Variants in TENM3 observed in about 807,000 individuals in gnomAD.
TENM3 encodes teneurin transmembrane protein 3.
In TENM3, 63 loss-of-function variants were observed where a neutral mutation model predicts 255.1. The ratio of observed to expected loss-of-function variants is 0.25; its 90% confidence interval spans 0.20 to 0.30. The LOEUF is 0.30. TENM3 is among the 10% of genes least tolerant of loss of function. TENM3 has a pLI of 1.00. For synonymous variants in TENM3, 1,306 were observed against 1,322.3 expected (o/e 0.99, Z 0.27); for missense variants, 2,929 against 3,461.1 (o/e 0.85, Z 3.86).
At chr4:182,633,614 A>G (rs1405454655) in intron 5 of TENM3, among the ~76,000 whole-genome samples, 2 of 152,240 alleles carry the variant, frequency 1.3e-5, no homozygotes, top group South Asian at 4.1e-4. Flanking sequence ...AATATCTGCC[A>G]TGGTGCATGT....
chr4:182,120,036 T>C, the TENM3 span, among the ~76,000 whole-genome samples: 1 of 151,960 alleles, frequency 6.6e-6, no homozygotes, highest in East Asian at 2.0e-4. Context: ...AATCTACAAA[T>C]TGTGAGTCCA....
the TENM3 span, among the ~76,000 whole-genome samples, chr4:182,014,849 A>G: frequency 3.2e-4 from 48 of 152,248 alleles, no homozygotes; most frequent in South Asian, 9.5e-3. Context: ...AAGGATCAAC[A>G]TTTCCAACCG....
intron 1 of TENM3, among the ~76,000 whole-genome samples, chr4:182,180,646 T>G (rs1184051127): frequency 1.3e-5 from 2 of 151,524 alleles, no homozygotes; most frequent in Non-Finnish European, 2.9e-5. Flanking sequence ...TCTTTTTTTT[T>G]TTTTCTTTTT....
At chr4:181,888,618 G>GTGTGTGTGT in the TENM3 span, among the ~76,000 whole-genome samples, 4 of 111,776 alleles carry the variant, frequency 3.6e-5, no homozygotes, top group African/African-American at 9.4e-5. Flanking sequence ...GTGTGTGTGT[G>GTGTGTGTGT]GAAAGAGAGA....
chr4:181,933,342 T>C, the TENM3 span, among the ~76,000 whole-genome samples: 6 of 152,208 alleles, frequency 3.9e-5, no homozygotes, highest in Non-Finnish European at 7.3e-5. Flanking sequence ...GTTCAAGGCA[T>C]ATCACCATGA....
At chr4:181,994,387 T>C in the TENM3 span, among the ~76,000 whole-genome samples, 1 of 152,160 alleles carries the variant, frequency 6.6e-6, no homozygotes, top group Non-Finnish European at 1.5e-5. Context: ...AAATAAGTAA[T>C]CTGTTATACA....
At chr4:181,720,249 A>T in the TENM3 span, among the ~76,000 whole-genome samples, 145 of 152,352 alleles carry the variant, frequency 9.5e-4, no homozygotes, top group Non-Finnish European at 1.9e-3. Flanking sequence ...ATAATAGACT[A>T]AGAATAAACA....
At chr4:181,615,420 C>T in the TENM3 span, among the ~76,000 whole-genome samples, 1 of 152,196 alleles carries the variant, frequency 6.6e-6, no homozygotes, top group South Asian at 2.1e-4. Context: ...TCAACTACCA[C>T]CTACCACCCC....
At chr4:182,779,779 T>G (rs1443384925) in intron 24 of TENM3, among the ~76,000 whole-genome samples, 2 of 152,244 alleles carry the variant, frequency 1.3e-5, no homozygotes, top group African/African-American at 2.4e-5. Flanking sequence ...TATCTCATTG[T>G]GGTTTTGATG....
At chr4:182,718,533 G>A (rs113520541) in intron 13 of TENM3, among the ~76,000 whole-genome samples, 1,596 of 149,880 alleles carry the variant, frequency 0.011, 27 homozygotes, top group African/African-American at 0.034. Context: ...GCAGAAAAAC[G>A]GTCTACTATG....
chr4:182,728,789 C>G (rs1760437949), intron 13 of TENM3, among the ~76,000 whole-genome samples, 176 bp from the exon 14 acceptor site: 1 of 151,584 alleles, frequency 6.6e-6, no homozygotes, highest in Admixed American at 6.6e-5. Context: ...TGGCATGTGA[C>G]TATTGTATTT....
intron 13 of TENM3, among the ~76,000 whole-genome samples, chr4:182,723,199 A>AG (rs1759890905): frequency 6.6e-6 from 1 of 152,250 alleles, no homozygotes; most frequent in South Asian, 2.1e-4. Flanking sequence ...CAAAGCCACC[A>AG]GGAGAGCACT....
intron 12 of TENM3, among the ~76,000 whole-genome samples, chr4:182,690,806 G>A (rs997902808): frequency 6.6e-6 from 1 of 152,100 alleles, no homozygotes; most frequent in African/African-American, 2.4e-5. Flanking sequence ...GGAACAAACA[G>A]GATTTTTATT....
intron 12 of TENM3, among the ~76,000 whole-genome samples, chr4:182,699,044 C>A (rs1420642511): frequency 6.6e-6 from 1 of 152,200 alleles, no homozygotes; most frequent in Non-Finnish European, 1.5e-5. Context: ...AAGAAATACG[C>A]TTCACATACT....
the TENM3 span, among the ~76,000 whole-genome samples, chr4:181,977,654 G>A: frequency 6.6e-6 from 1 of 152,156 alleles, no homozygotes; most frequent in African/African-American, 2.4e-5. Context: ...CTGGGTCTAA[G>A]ATAGGGGAAG....
chr4:181,506,318 G>T, the TENM3 span, among the ~76,000 whole-genome samples: 5 of 151,804 alleles, frequency 3.3e-5, no homozygotes, highest in African/African-American at 1.2e-4. Flanking sequence ...AATCCACTTT[G>T]AATATTTGGC....
intron 5 of TENM3, among the ~76,000 whole-genome samples, chr4:182,649,466 A>G (rs1753059360): frequency 6.6e-6 from 1 of 150,398 alleles, no homozygotes; most frequent in Non-Finnish European, 1.5e-5. Context: ...TATTATATTC[A>G]CCTAGAAATA....
At chr4:182,167,206 A>T (rs899714400) in intron 1 of TENM3, among the ~76,000 whole-genome samples, 1 of 152,232 alleles carries the variant, frequency 6.6e-6, no homozygotes, top group Non-Finnish European at 1.5e-5. Flanking sequence ...ACTTACAAAA[A>T]TAAAATCAGA....
the TENM3 span, among the ~76,000 whole-genome samples, chr4:181,648,379 A>G: frequency 3.3e-5 from 5 of 151,288 alleles, no homozygotes; most frequent in South Asian, 2.1e-4. Context: ...AAACTGACTC[A>G]TATGAAGCAC....
Sources: gnomAD v4.1 joint callset for allele counts (sites outside exome capture counted in the v4.1 genomes callset) on GRCh38, gnomAD v4.1.1 for gene constraint, MANE v1.5 for transcripts, NCBI Gene and HGNC (gene_info 2026-07-23, HGNC 2026-07-21) for gene names.